ZSCAN5A: variants seen among roughly 807,000 people sequenced by gnomAD.
ZSCAN5A encodes the protein zinc finger and SCAN domain containing 5A.
In ZSCAN5A, 12 loss-of-function variants were observed where a neutral mutation model predicts 23.7. The ratio of observed to expected loss-of-function variants is 0.51; its 90% confidence interval spans 0.32 to 0.82. ZSCAN5A has a LOEUF of 0.82. Among genes scored for constraint, ZSCAN5A ranks in the 40% least tolerant of loss-of-function variants. The pLI, the probability that ZSCAN5A is intolerant of heterozygous loss-of-function variation, is 0.03. For synonymous variants in ZSCAN5A, 257 were observed against 239.9 expected, an observed-to-expected ratio of 1.07 and a Z score of -0.66; for missense variants, 597 against 617.9, an observed-to-expected ratio of 0.97 and a Z score of 0.36.
intron 2 of ZSCAN5A, among the ~76,000 whole-genome samples, chr19:56,276,034 TTC>T (rs2038222757): frequency 6.6e-6 from 1 of 152,224 alleles, no homozygotes; most frequent in Non-Finnish European, 1.5e-5. Flanking sequence ...TAATGCTAAT[TTC>T]TCTCTCTGCT....
At position 56,226,442 on chromosome 19, in the gene ZSCAN5A, T is replaced by C. The variant is rs546145103; in HGVS notation, c.-127-1269A>G. On this transcript the variant is annotated intron_variant, in intron 2 of 5. Transcript: ENST00000683990. ...TGTGGACATCTCAGATGAAGACATGTGAATGGCCAGCAGGTCTAGGAAAAG... is the reference window on the plus strand; with the variant it reads ...TGTGGACATCTCAGATGAAGACATGCGAATGGCCAGCAGGTCTAGGAAAAG... Among the ~76,000 whole-genome samples the C allele has an allele frequency of 2.6e-5, 4 of 152,228 alleles. No homozygotes were observed. The South Asian group carries it at 8.3e-4, about 32-fold the overall frequency.
intron 2 of ZSCAN5A, chr19:56,347,475 A>G (rs1026381569): frequency 6.6e-6 from 1 of 152,178 alleles, no homozygotes; most frequent in Non-Finnish European, 1.5e-5. Context: ...TGCACAAGTT[A>G]AGTCCTTGAG....
chr19:56,243,329 G>C (rs559549876), intron 2 of ZSCAN5A, among the ~76,000 whole-genome samples: 1 of 152,284 alleles, frequency 6.6e-6, no homozygotes, highest in African/African-American at 2.4e-5. Flanking sequence ...GCATGTCTTA[G>C]TGCCATGAAA....
intron 2 of ZSCAN5A, chr19:56,244,243 G>C (rs1220484374): frequency 6.2e-7 from 1 of 1,601,558 alleles, no homozygotes; most frequent in Admixed American, 1.7e-5. Flanking sequence ...AACTCACTGA[G>C]CTGTGCCATC....
chr19:56,304,687 G>A (rs770686178), intron 2 of ZSCAN5A: 129 of 625,694 alleles, frequency 2.1e-4, no homozygotes, highest in Middle Eastern at 7.9e-4. Flanking sequence ...GGGAGGACGG[G>A]AAAGAAGCGA....
Position 56,332,854 on chromosome 19 carries a change from G to T in ZSCAN5A, c.-357-16586C>A, listed in dbSNP as rs144682759. Among the ~76,000 whole-genome samples, 6 of 152,200 alleles carry T rather than the reference G, an allele frequency of 3.9e-5. No individual in the cohort carries two copies. The East Asian group carries it at 1.2e-3, about 29-fold the overall frequency. Reference sequence around the variant, plus strand: ...GGATTTCTTGTAAGGCTGGTCTAGTGGTAACAAATACCCTTATTGCTTGCT... The same window carrying T: ...GGATTTCTTGTAAGGCTGGTCTAGTTGTAACAAATACCCTTATTGCTTGCT... On this transcript the variant is annotated intron_variant, in intron 2 of 6. Transcript: ENST00000587340.
chr19:56,293,603 C>T (rs1232007655), intron 2 of ZSCAN5A, among the ~76,000 whole-genome samples: 2 of 152,192 alleles, frequency 1.3e-5, no homozygotes, highest in East Asian at 3.9e-4. Flanking sequence ...AGGGCTCAGG[C>T]CCCTGGTCGG....
At chr19:56,246,382 C>T (rs1286265620) in intron 2 of ZSCAN5A, 1 of 549,940 alleles carries the variant, frequency 1.8e-6, no homozygotes, top group East Asian at 3.7e-5. Context: ...GAGACCCAAG[C>T]CAACCTTGGA....
intron 2 of ZSCAN5A, among the ~76,000 whole-genome samples, chr19:56,263,029 C>T (rs1568664299): frequency 6.6e-6 from 1 of 152,160 alleles, no homozygotes; most frequent in African/African-American, 2.4e-5. Flanking sequence ...TATTACTGAA[C>T]ATAGAGACAC....
At chr19:56,247,333 GT>G in intron 2 of ZSCAN5A, 1 of 244,080 alleles carries the variant, frequency 4.1e-6, no homozygotes, top group Non-Finnish European at 8.3e-6. Context: ...CTGCAACCAA[GT>G]TTTCACCTAC....
chr19:56,357,956 T>G (rs549264021), intron 2 of ZSCAN5A, among the ~76,000 whole-genome samples: 3 of 147,880 alleles, frequency 2.0e-5, no homozygotes, highest in Non-Finnish European at 4.5e-5. Context: ...CAAGCAGGGG[T>G]TGCAATCCTA....
rs1473057814 is a variant in ZSCAN5A, at chr19:56,280,160, C to T, written c.-128+33123G>A. 2.0e-5 allele frequency among the ~76,000 whole-genome samples: 3 copies of T among 152,146 alleles called. No homozygotes were observed. The East Asian group carries it at 5.8e-4, about 29-fold the overall frequency. Reference sequence around the variant, plus strand: ...TTATATATTCAAAGTCCTCTTGTTTCTATTTTTACAAAAAAGACAGCGTAT... The same window carrying T: ...TTATATATTCAAAGTCCTCTTGTTTTTATTTTTACAAAAAAGACAGCGTAT... On this transcript the variant is annotated intron_variant, in intron 2 of 5. Transcript: ENST00000683990.
chr19:56,259,169 C>G (rs2036942190), intron 2 of ZSCAN5A, among the ~76,000 whole-genome samples: 1 of 152,108 alleles, frequency 6.6e-6, no homozygotes, highest in African/African-American at 2.4e-5. Flanking sequence ...CTACAGATAA[C>G]TGGAACAGCA....
intron 2 of ZSCAN5A, among the ~76,000 whole-genome samples, chr19:56,357,167 T>A (rs148286247): frequency 6.7e-6 from 1 of 148,584 alleles, no homozygotes; most frequent in Non-Finnish European, 1.5e-5. Flanking sequence ...CTACATTCAA[T>A]GACTCAGCTG....
chr19:56,259,133 G>A (rs913254585), intron 2 of ZSCAN5A, among the ~76,000 whole-genome samples: 3 of 152,256 alleles, frequency 2.0e-5, no homozygotes, highest in East Asian at 1.9e-4. Flanking sequence ...CTGAGTCACT[G>A]AGTTTTGGGG....
chr19:56,332,861 A>G (rs1054852989), intron 2 of ZSCAN5A, among the ~76,000 whole-genome samples: 2 of 152,230 alleles, frequency 1.3e-5, no homozygotes, highest in African/African-American at 4.8e-5. Flanking sequence ...AGTGGTAACA[A>G]ATACCCTTAT....
At chr19:56,341,029 A>C (rs2041588480) in intron 2 of ZSCAN5A, 1 of 152,186 alleles carries the variant, frequency 6.6e-6, no homozygotes, top group Admixed American at 6.6e-5. Flanking sequence ...CCTCAGGGCA[A>C]ATCTGCCTAC....
intron 2 of ZSCAN5A, among the ~76,000 whole-genome samples, chr19:56,249,628 G>A (rs907754883): frequency 1.2e-4 from 18 of 152,140 alleles, no homozygotes; most frequent in Non-Finnish European, 1.6e-4. Context: ...CCAATGCTCT[G>A]CACCATTTCC....
chr19:56,298,590 C>G (rs2040031266), intron 2 of ZSCAN5A, among the ~76,000 whole-genome samples: 1 of 150,894 alleles, frequency 6.6e-6, no homozygotes, highest in Non-Finnish European at 1.5e-5. Flanking sequence ...GAGGCGGAAG[C>G]TGCAGTGAGC....
Sources: allele counts gnomAD v4.1 joint callset (sites outside exome capture counted in the v4.1 genomes callset), GRCh38; gene constraint gnomAD v4.1.1; transcripts MANE v1.5; gene names NCBI Gene and HGNC (gene_info 2026-07-23, HGNC 2026-07-21).